The following ZNF48 variants were observed in gnomAD, a reference collection of about 807,000 sequenced individuals.
ZNF48 encodes the protein zinc finger protein 48, also known as zinc finger protein 553.
ZNF48 carries 20 observed loss-of-function variants against 40.0 expected under a neutral mutation model. The ratio of observed to expected loss-of-function variants is 0.50; its 90% CI spans 0.35 to 0.73. The LOEUF is 0.73. Ranked by LOEUF, ZNF48 falls within the 30% of genes least tolerant of loss-of-function variation. ZNF48 has a pLI of 0.01. For synonymous variants in ZNF48, 298 were observed against 329.7 expected (o/e 0.90, Z 1.04); for missense variants, 726 against 851.9 (o/e 0.85, Z 1.84).
At chr16:30,389,791 A>AGTAATTAT (rs1379897564) in intron 1 of ZNF48, among the ~76,000 whole-genome samples, 1 of 75,888 alleles carries the variant, frequency 1.3e-5, no homozygotes, top group Non-Finnish European at 2.7e-5. Flanking sequence ...CTTCCCATTT[A>AGTAATTAT]GTAATTATTT....
At chr16:30,380,181 G>A (rs180793843) in intron 1 of ZNF48, 154 of 539,150 alleles carry the variant, frequency 2.9e-4, no homozygotes, top group Middle Eastern at 2.5e-3. Context: ...TGGACATACA[G>A]GAAGACAAAA....
chr16:30,393,857 A>C (rs1029797364), upstream of ZNF48, among the ~76,000 whole-genome samples: 1 of 152,050 alleles, frequency 6.6e-6, no homozygotes, highest in African/African-American at 2.4e-5. Flanking sequence ...CCAGGACCAC[A>C]GATATGTGCT....
Position 30,395,453 on chromosome 16 carries a change from G to A in ZNF48, c.-141G>A. On this transcript the variant is annotated 5_prime_UTR_variant, in exon 1 of 3. Coordinates refer to ENST00000613509, the MANE Select transcript of ZNF48 (RefSeq NM_001214909.2). This position sits in a 1 kb window ranked among gnomAD's most constrained non-coding sequence, Gnocchi z 5.9. ...CCGGTGGCCGCCCCCGGGACGCCTG[G>A]GTCCGAGCCCGCTCCCGGCTTGGCG... 3.0e-6 allele frequency: 1 copy of A among 336,184 alleles called. No homozygotes were observed. The highest frequency in any genetic ancestry group is 5.8e-6 in the Non-Finnish European group (1 of 172,478). 20.8% of individuals were successfully genotyped at this position (336,184 alleles called of 1,614,324 possible).
chr16:30,391,501 CTT>C (rs1365976705), upstream of ZNF48, among the ~76,000 whole-genome samples: 3 of 143,302 alleles, frequency 2.1e-5, no homozygotes, highest in Admixed American at 7.0e-5. Context: ...TTTTTCTTTT[CTT>C]TTTTTTTTTT....
In ZNF48 at chr16:30,381,876, C is replaced by G; in HGVS notation, c.-16+3466C>G. ...GGCGCTCAATGGCCAGGGTCTGTGT[C>G]AAGCGAGCTGTGGGATGGGGGAGAG... On this transcript the variant is annotated intron_variant, in intron 1 of 2. Transcript: ENST00000528032. This position sits in a 1 kb window ranked among gnomAD's most constrained non-coding sequence, Gnocchi z 4.3. 1.2e-6 allele frequency: 2 copies of G among 1,614,126 alleles called. No individual in the cohort carries two copies. The highest frequency in any genetic ancestry group is 1.7e-6 in the Non-Finnish European group (2 of 1,179,994).
chr16:30,378,343 T>C, exon 1 of ZNF48: 2 of 1,261,624 alleles, frequency 1.6e-6, no homozygotes, highest in Non-Finnish European at 1.1e-6. Context: ...CCCGCGGAGG[T>C]CCCGGGGGGC....
In ZNF48 at chr16:30,399,822, C is replaced by T. The variant is rs895526746; in HGVS notation, c.*715C>T. ...AGACACTGGCAGAATAGACCAGAGACAGAAGGTGCTCTCATGGTATCCAGC... is the reference window on the plus strand; with the variant it reads ...AGACACTGGCAGAATAGACCAGAGATAGAAGGTGCTCTCATGGTATCCAGC... On this transcript the variant is annotated 3_prime_UTR_variant, in exon 3 of 3. Coordinates refer to ENST00000613509, the MANE Select transcript of ZNF48 (RefSeq NM_001214909.2). 2 of 152,358 alleles carry T rather than the reference C, an allele frequency of 1.3e-5. No homozygotes were observed. Among genetic ancestry groups the T allele is most frequent in the Non-Finnish European group, 2.9e-5 (2 of 68,164 alleles). 9.4% of individuals were successfully genotyped at this position (152,358 alleles called of 1,614,324 possible).
Position 30,381,619 on chromosome 16 carries a change from T to C in ZNF48, c.-16+3209T>C. The C allele has an allele frequency of 6.8e-7, 1 of 1,475,400 alleles. No homozygotes were observed. The highest frequency in any genetic ancestry group is 9.2e-7 in the Non-Finnish European group (1 of 1,083,892). 91.4% of individuals were successfully genotyped at this position (1,475,400 alleles called of 1,614,324 possible). On this transcript the variant is annotated intron_variant, in intron 1 of 2. Coordinates refer to the ZNF48 transcript ENST00000528032. This position sits in a 1 kb window ranked among gnomAD's most constrained non-coding sequence, Gnocchi z 4.3. ...AACTGGTGGGGGCCTAGGTGAGTCA[T>C]CAAGAAGCACAGGGACCCAGTGGCC...
Position 30,397,315 on chromosome 16 carries a change from C to T in ZNF48, c.80-15C>T. The T allele has an allele frequency of 6.3e-7, 1 of 1,596,814 alleles. No individual in the cohort carries two copies. Among genetic ancestry groups the T allele is most frequent in the Non-Finnish European group, 8.5e-7 (1 of 1,172,244 alleles). On this transcript the variant is annotated splice_polypyrimidine_tract_variant and intron_variant, in intron 2 of 2. Coordinates refer to ENST00000613509, the MANE Select transcript of ZNF48 (RefSeq NM_001214909.2). This position sits in a 1 kb window ranked among gnomAD's most constrained non-coding sequence, Gnocchi z 4.1. ...GCCAAAGGGGAGGGTCTACAACTTC[C>T]TTTTCTTTCCTCAGGTCTAGGGAGT... is the stretch of plus-strand genomic sequence containing the variant.
chr16:30,384,337 G>A (rs1263290095), intron 1 of ZNF48, among the ~76,000 whole-genome samples: 1 of 151,916 alleles, frequency 6.6e-6, no homozygotes, highest in East Asian at 1.9e-4. Flanking sequence ...GACCATCCTG[G>A]CCAACATGGT....
upstream of ZNF48, among the ~76,000 whole-genome samples, chr16:30,393,243 A>G (rs901220882): frequency 1.3e-5 from 2 of 150,750 alleles, no homozygotes; most frequent in Non-Finnish European, 3.0e-5. Flanking sequence ...CGCCCTGCTA[A>G]TTTTTTTATT....
chr16:30,381,667 T>G lies in ZNF48; in HGVS notation c.-16+3257T>G, dbSNP rs114595573. 3.3e-4 allele frequency: 503 copies of G among 1,547,302 alleles called. No individual in the cohort carries two copies. Among genetic ancestry groups the G allele is most frequent in the African/African-American group, 7.0e-4 (51 of 73,128 alleles). ...GCCCTCTGAAACAGACACCACCTTT[T>G]GAGATAGGGAGCCAGCACAAACCAG... is the stretch of plus-strand genomic sequence containing the variant. On this transcript the variant is annotated intron_variant, in intron 1 of 2. Coordinates refer to the ZNF48 transcript ENST00000528032. The surrounding 1 kb of genome is among the most constrained non-coding windows in gnomAD (Gnocchi z 4.3).
Position 30,397,572 on chromosome 16 carries a change from A to G in ZNF48, c.322A>G (p.Ser108Gly). Reference sequence around the variant, plus strand: ...TGAACCACGCTGGGGCCAGGCTAGTAGTGATCGGGCCGCTGTGTGTGGTGA... The same window carrying G: ...TGAACCACGCTGGGGCCAGGCTAGTGGTGATCGGGCCGCTGTGTGTGGTGA... ...LGEPRWGQAS[S>G]DRAAVCGECG... The change falls in exon 3 of 3, where the codon AGT becomes GGT. Residue 108 changes from serine to glycine, a missense_variant. Transcript: ENST00000613509. This position sits in a 1 kb window ranked among gnomAD's most constrained non-coding sequence, Gnocchi z 4.1. 1 of 1,614,056 alleles carries G rather than the reference A, an allele frequency of 6.2e-7. No individual in the cohort carries two copies. The highest frequency in any genetic ancestry group is 8.5e-7 in the Non-Finnish European group (1 of 1,180,016).
chr16:30,391,107 C>T (rs1210570446), upstream of ZNF48, among the ~76,000 whole-genome samples: 4 of 152,162 alleles, frequency 2.6e-5, no homozygotes, highest in East Asian at 1.9e-4. Flanking sequence ...CACATTAAAA[C>T]GGAACTATTC....
In ZNF48 at chr16:30,398,910, C is replaced by T. The variant is rs1438853261; in HGVS notation, c.1660C>T (p.Arg554Trp). 2.5e-6 allele frequency: 4 copies of T among 1,613,698 alleles called. No homozygotes were observed. Among genetic ancestry groups the T allele is most frequent in the African/African-American group, 1.3e-5 (1 of 74,948 alleles). ...TGGCTTCTGTGGGAAGGAGTTCCCC[C>T]GGAGCTCAGATCTGGTCAAACACAG... The part of the protein sequence containing the change: ...VCGFCGKEFP[R>W]SSDLVKHRRT... Residue 554 changes from arginine (R) to tryptophan (W), a missense_variant, in exon 3 of 3, where the codon CGG becomes TGG. Coordinates refer to ENST00000613509, the MANE Select transcript of ZNF48 (RefSeq NM_001214909.2). The surrounding 1 kb of genome is among the most constrained non-coding windows in gnomAD (Gnocchi z 6.6).
rs1414246578 is a variant in ZNF48 at position 30,382,126 on chromosome 16, G to A, written c.-16+3716G>A. The stretch of plus-strand genomic sequence containing the variant: ...TCTGGCACCTGGCGATCCTCATAGA[G>A]GTTGGTGAGGAAGAGGCTGTTGATG... On this transcript the variant is annotated intron_variant, in intron 1 of 2. Coordinates refer to the ZNF48 transcript ENST00000528032. The surrounding 1 kb of genome is among the most constrained non-coding windows in gnomAD (Gnocchi z 4.8). 3 of 1,589,038 alleles carry A rather than the reference G, an allele frequency of 1.9e-6. No homozygotes were observed. The highest frequency in any genetic ancestry group is 1.8e-5 in the Admixed American group (1 of 55,060).
chr16:30,395,261 C>T (rs984887338), upstream of ZNF48: 2 of 456,148 alleles, frequency 4.4e-6, no homozygotes, highest in Admixed American at 2.3e-5. The surrounding 1 kb of genome is among the most constrained non-coding windows in gnomAD (Gnocchi z 5.9). Flanking sequence ...TTAATACCAC[C>T]GAGTTCGGGC....
rs778852814 is a variant in ZNF48 at position 30,381,845 on chromosome 16, C to T, written c.-16+3435C>T. 9.3e-6 allele frequency: 15 copies of T among 1,614,058 alleles called. No individual in the cohort carries two copies. Among genetic ancestry groups the T allele is most frequent in the African/African-American group, 6.7e-5 (5 of 74,916 alleles). Reference sequence around the variant, plus strand: ...TTCACACCCCCTTCCTCAATCTCTACGCCCCGGCGCTCAATGGCCAGGGTC... The same window carrying T: ...TTCACACCCCCTTCCTCAATCTCTATGCCCCGGCGCTCAATGGCCAGGGTC... On this transcript the variant is annotated intron_variant, in intron 1 of 2. Transcript: ENST00000528032. This position sits in a 1 kb window ranked among gnomAD's most constrained non-coding sequence, Gnocchi z 4.3.
At position 30,382,439 on chromosome 16, in the gene ZNF48, G is replaced by T; in HGVS notation, c.-16+4029G>T. On this transcript the variant is annotated intron_variant, in intron 1 of 2. Transcript: ENST00000528032. This position sits in a 1 kb window ranked among gnomAD's most constrained non-coding sequence, Gnocchi z 4.8. The stretch of plus-strand genomic sequence containing the variant: ...GTCCCCAGGATCACTTGAGTTCCTG[G>T]GCTAGGAAGAGTCAGTGGGGTCTGG... 1 of 1,569,644 alleles carries T rather than the reference G, an allele frequency of 6.4e-7. No homozygotes were observed. The highest frequency in any genetic ancestry group is 8.7e-7 in the Non-Finnish European group (1 of 1,147,022).
Sources: gnomAD v4.1 joint callset for allele counts (sites outside exome capture counted in the v4.1 genomes callset) on GRCh38, gnomAD v4.1.1 for gene constraint, Gnocchi (gnomAD v3.1) non-coding constraint, MANE v1.5 for transcripts, NCBI Gene and HGNC (gene_info 2026-07-23, HGNC 2026-07-21) for gene names.